CLNK: variants seen among roughly 807,000 people sequenced by gnomAD.
CLNK encodes cytokine-dependent hematopoietic cell linker.
A neutral mutation model predicts 68.6 loss-of-function variants in CLNK; 74 were observed. That is an observed-to-expected ratio of 1.08 (90% confidence interval 0.89 to 1.31). The LOEUF is 1.31. CLNK is among the 50% of genes most tolerant of loss of function. The probability of loss-of-function intolerance (pLI) is 0.00; values close to 1 mark genes in which losing one functional copy is unlikely to be tolerated. For missense variants in CLNK, 553 were observed against 515.3 expected, an observed-to-expected ratio of 1.07 and a Z score of -0.71; for synonymous variants, 198 against 172.2, an observed-to-expected ratio of 1.15 and a Z score of -1.17.
intron 2 of CLNK, among the ~76,000 whole-genome samples, chr4:10,658,359 A>T (rs1724060205): frequency 6.6e-6 from 1 of 152,242 alleles, no homozygotes; most frequent in Admixed American, 6.5e-5. Flanking sequence ...TGTGATGATG[A>T]TATAGCCAGC....
intron 13 of CLNK, among the ~76,000 whole-genome samples, chr4:10,526,657 G>T (rs959581979): frequency 1.3e-5 from 2 of 152,286 alleles, no homozygotes; most frequent in Middle Eastern, 3.4e-3. Context: ...AGCTCCTAGG[G>T]TTCTCACGTA....
intron 9 of CLNK, 57 bp downstream of exon 9, chr4:10,542,198 C>T (rs1719058096): frequency 4.0e-6 from 5 of 1,258,724 alleles, no homozygotes; most frequent in Middle Eastern, 3.7e-4. Context: ...TCATCTATAT[C>T]TCTAGGCTTC....
At chr4:10,632,744 C>A (rs1722939769) in intron 2 of CLNK, among the ~76,000 whole-genome samples, 1 of 152,160 alleles carries the variant, frequency 6.6e-6, no homozygotes, top group East Asian at 1.9e-4. Context: ...TTACCTTTGT[C>A]ATTTTTATTC....
At chr4:10,542,721 C>A (rs1406413058) in intron 8 of CLNK, among the ~76,000 whole-genome samples, 1 of 150,456 alleles carries the variant, frequency 6.6e-6, no homozygotes, top group Non-Finnish European at 1.5e-5. Flanking sequence ...CTGCCTACCA[C>A]CTTCATGGGG....
the CLNK span, among the ~76,000 whole-genome samples, chr4:10,699,200 A>AAC: frequency 4.2e-4 from 8 of 19,134 alleles, no homozygotes; most frequent in Admixed American, 1.7e-3. Flanking sequence ...CTGTCTCTTA[A>AAC]ACACACACAT....
intron 2 of CLNK, among the ~76,000 whole-genome samples, chr4:10,634,363 G>C (rs1452642707): frequency 2.0e-5 from 3 of 152,222 alleles, no homozygotes; most frequent in Non-Finnish European, 4.4e-5. Context: ...AGACCCCACT[G>C]TTTCCCAGCT....
chr4:10,684,276 A>C (rs6837697), intron 1 of CLNK, among the ~76,000 whole-genome samples: 75,874 of 151,940 alleles, frequency 0.5, 19,030 homozygotes, highest in South Asian at 0.57. Context: ...GAGTTAACTT[A>C]TACTTTGAAT....
At chr4:10,619,372 C>A (rs558871752) in intron 2 of CLNK, among the ~76,000 whole-genome samples, 2 of 152,294 alleles carry the variant, frequency 1.3e-5, no homozygotes, top group South Asian at 4.1e-4. Context: ...GCCAGCAAAC[C>A]ATGAATATAC....
chr4:10,654,219 G>A (rs1723864970), intron 2 of CLNK, among the ~76,000 whole-genome samples: 1 of 151,538 alleles, frequency 6.6e-6, no homozygotes, highest in African/African-American at 2.4e-5. Context: ...ATAATAATAT[G>A]TCATGACCAA....
rs554905060 is a variant in CLNK, at chr4:10,574,623, C to T, written c.113-2845G>A. ...CTTTCCCAGACCCTCACGCCACTCC[C>T]TTTAAGGGAGGAGACCACCCCTCAT... On this transcript the variant is annotated intron_variant, in intron 4 of 18. Transcript: ENST00000226951. Among the ~76,000 whole-genome samples, 665 of 152,274 alleles carry T rather than the reference C, an allele frequency of 4.4e-3. 4 individuals carry two copies. The highest frequency in any genetic ancestry group is 6.5e-3 in the Non-Finnish European group (444 of 68,008).
chr4:10,691,262 T>C, the CLNK span, among the ~76,000 whole-genome samples: 7 of 152,296 alleles, frequency 4.6e-5, no homozygotes, highest in East Asian at 9.6e-4. Context: ...ATTAATAAAT[T>C]ACAAACTCCT....
intron 8 of CLNK, among the ~76,000 whole-genome samples, chr4:10,545,859 T>G (rs1577120226): frequency 6.6e-6 from 1 of 152,246 alleles, no homozygotes; most frequent in African/African-American, 2.4e-5. Flanking sequence ...TTAAAACTTG[T>G]ACCTTGCAGA....
chr4:10,723,326 G>A, the CLNK span, among the ~76,000 whole-genome samples: 1 of 152,130 alleles, frequency 6.6e-6, no homozygotes, highest in Non-Finnish European at 1.5e-5. Context: ...TATACATTTG[G>A]TTCAGGTTCT....
chr4:10,513,493 G>T lies in CLNK; in HGVS notation c.877C>A (p.Pro293Thr), dbSNP rs750211301. 55 of 1,611,720 alleles carry T rather than the reference G, an allele frequency of 3.4e-5. No individual in the cohort carries two copies. Among genetic ancestry groups the T allele is most frequent in the Non-Finnish European group, 4.4e-5 (52 of 1,179,002 alleles). Residue 293 changes from proline (P) to threonine (T), a missense_variant, in exon 16 of 19, where the codon CCA becomes ACA. Coordinates refer to ENST00000226951, the MANE Select transcript of CLNK (RefSeq NM_052964.4). ...CTATCAGACCTTTTGGGGAAAGGTG[G>T]TCTCCAGCTTGTGTATTTATAGGGC... is the stretch of plus-strand genomic sequence containing the variant. ...ILPYKYTSWR[P>T]PFPKRSDRKD... is the part of the protein sequence containing the mutation.
chr4:10,513,982 A>G (rs1433100092), intron 15 of CLNK, among the ~76,000 whole-genome samples: 4 of 135,798 alleles, frequency 2.9e-5, no homozygotes, highest in South Asian at 2.6e-4. Flanking sequence ...AGCATTAGGT[A>G]TATCTCCCAA....
chr4:10,712,104 G>T, the CLNK span, among the ~76,000 whole-genome samples: 1 of 152,178 alleles, frequency 6.6e-6, no homozygotes, highest in South Asian at 2.1e-4. Flanking sequence ...GGGCATCAGA[G>T]GAGAGTATAA....
At chr4:10,646,397 G>A (rs1400672949) in intron 2 of CLNK, among the ~76,000 whole-genome samples, 1 of 152,196 alleles carries the variant, frequency 6.6e-6, no homozygotes, top group Non-Finnish European at 1.5e-5. Context: ...TTAAGGGTCA[G>A]TCTATGTTAC....
intron 17 of CLNK, 29 bp from the exon 18 acceptor site, chr4:10,501,440 T>C (rs1259784474): frequency 4.4e-6 from 7 of 1,599,676 alleles, no homozygotes; most frequent in East Asian, 2.3e-5. Context: ...CAGTCATCTT[T>C]TCAGACACGC....
chr4:10,604,787 C>T (rs1457071619), intron 2 of CLNK, among the ~76,000 whole-genome samples: 1 of 152,194 alleles, frequency 6.6e-6, no homozygotes, highest in Non-Finnish European at 1.5e-5. Context: ...AATCACTACT[C>T]CCCACCTATT....
Sources: allele counts gnomAD v4.1 joint callset (sites outside exome capture counted in the v4.1 genomes callset), GRCh38; gene constraint gnomAD v4.1.1; transcripts MANE v1.5; gene names NCBI Gene and HGNC (gene_info 2026-07-23, HGNC 2026-07-21).